AMMECR1: variants seen among roughly 807,000 people sequenced by gnomAD.
AMMECR1 encodes AMMECR nuclear protein 1.
A neutral mutation model predicts 22.5 loss-of-function variants in AMMECR1; 3 were observed. The observed-to-expected ratio is 0.13, with a 90% CI of 0.06 to 0.35. The LOEUF is 0.35. AMMECR1 is among the 10% of genes least tolerant of loss of function. The probability of loss-of-function intolerance (pLI) is 1.00; values close to 1 mark genes in which losing one functional copy is unlikely to be tolerated. For missense variants in AMMECR1, 235 were observed against 278.7 expected (o/e 0.84, Z 1.12); for synonymous variants, 130 against 116.7 (o/e 1.11, Z -0.74).
At chrX:110,235,584 C>G (rs2067596059) in intron 2 of AMMECR1, among the ~76,000 whole-genome samples, 1 of 112,326 alleles carries the variant, frequency 8.9e-6, no homozygotes, top group Non-Finnish European at 1.9e-5. Flanking sequence ...CACTGATAGA[C>G]TGGATTAAGA....
Position 110,357,825 on chromosome X carries a change from T to C in AMMECR1, c.-147-39976A>G, listed in dbSNP as rs1012297980. Among the ~76,000 whole-genome samples, 8 of 111,765 alleles carry C rather than the reference T, an allele frequency of 7.2e-5. No homozygotes were observed. In the Admixed American group the frequency reaches 7.6e-4, roughly 11 times the overall value. Reference sequence around the variant, plus strand: ...TGTGTGGGAAGCAGAGTGGTTATACTTGCCCTTCTTGGATTTTTTCTCAAG... The same window carrying C: ...TGTGTGGGAAGCAGAGTGGTTATACCTGCCCTTCTTGGATTTTTTCTCAAG... On this transcript the variant is annotated intron_variant, in intron 2 of 7. Transcript: ENST00000372057.
rs199514073 is a variant in AMMECR1 at position 110,317,779 on chromosome X, G to T, written c.293C>A (p.Ser98Tyr). 8.5e-7 allele frequency: 1 copy of T among 1,174,934 alleles called. No homozygotes were observed. The highest frequency in any genetic ancestry group is 2.4e-4 in the Middle Eastern group (1 of 4,171). ...PPSCGVGTLLSTPAAATSSSP... is the reference protein window; with the variant it reads ...PPSCGVGTLLYTPAAATSSSP... ...GGAAGAGGTGGCGGCGGCCGGGGTAGAAAGTAGGGTCCCCACTCCGCAGCT... is the reference window on the plus strand; with the variant it reads ...GGAAGAGGTGGCGGCGGCCGGGGTATAAAGTAGGGTCCCCACTCCGCAGCT... Residue 98 changes from serine (S) to tyrosine (Y), a missense_variant, in exon 1 of 6, where the codon TCT (serine) becomes TAT (tyrosine). Physicochemically the swap from Ser to Tyr is moderately radical, Grantham distance 144. Transcript: ENST00000262844.
chrX:110,216,765 C>CA (rs1410772097), intron 2 of AMMECR1, 133 bp from the exon 3 acceptor site: 2 of 389,590 alleles, frequency 5.1e-6, no homozygotes, highest in African/African-American at 5.2e-5. Flanking sequence ...CAACAAGCTT[C>CA]AAATGTATTC....
intron 5 of AMMECR1, among the ~76,000 whole-genome samples, chrX:110,199,749 C>T (rs2067387571): frequency 9.0e-6 from 1 of 111,266 alleles, no homozygotes; most frequent in Non-Finnish European, 1.9e-5. Flanking sequence ...GCCCCTGTTG[C>T]ACCTCTTTTG....
intron 2 of AMMECR1, among the ~76,000 whole-genome samples, chrX:110,424,538 C>A (rs1442855864): frequency 1.8e-5 from 2 of 111,646 alleles, no homozygotes; most frequent in African/African-American, 6.5e-5. Context: ...TAATTGACTT[C>A]AAGCTTAACA....
chrX:110,369,059 G>A (rs1031123889), intron 2 of AMMECR1, among the ~76,000 whole-genome samples: 11 of 112,206 alleles, frequency 9.8e-5, no homozygotes, highest in African/African-American at 3.6e-4. Context: ...GTGGCTGTGT[G>A]CGGTGGCTCA....
At chrX:110,362,883 A>G (rs1310906297) in intron 2 of AMMECR1, among the ~76,000 whole-genome samples, 3 of 111,995 alleles carry the variant, frequency 2.7e-5, no homozygotes, top group Non-Finnish European at 5.6e-5. Context: ...ATATTAATTC[A>G]TTTAATTCTT....
chrX:110,213,507 TTGA>T (rs2067457644), intron 3 of AMMECR1, among the ~76,000 whole-genome samples: 1 of 112,756 alleles, frequency 8.9e-6, no homozygotes, highest in South Asian at 3.6e-4. Context: ...CATTCATCTG[TTGA>T]TAAACATTTG....
chrX:110,381,714 G>A (rs1264786824), intron 2 of AMMECR1, among the ~76,000 whole-genome samples: 3 of 110,847 alleles, frequency 2.7e-5, no homozygotes, highest in South Asian at 3.8e-4. Flanking sequence ...AAATGTACAC[G>A]TACACCATGG....
intron 2 of AMMECR1, among the ~76,000 whole-genome samples, chrX:110,418,471 A>C (rs1314522644): frequency 8.9e-6 from 1 of 112,164 alleles, no homozygotes; most frequent in Non-Finnish European, 1.9e-5. Flanking sequence ...GAAAAGCAGC[A>C]GCTAGCATAG....
At chrX:110,325,368 A>G (rs1375443479) in intron 2 of AMMECR1, among the ~76,000 whole-genome samples, 1 of 111,894 alleles carries the variant, frequency 8.9e-6, no homozygotes, top group Admixed American at 9.5e-5. Flanking sequence ...TTGTGCTATC[A>G]AATACCAGAT....
At chrX:110,318,103 G>A (rs748349750), upstream of AMMECR1, 1 of 1,112,988 alleles carries the variant, frequency 9.0e-7, no homozygotes. Flanking sequence ...CAGCGTTTCC[G>A]ACCCATAAGT....
intron 2 of AMMECR1, among the ~76,000 whole-genome samples, chrX:110,235,949 C>T (rs2067598642): frequency 9.2e-6 from 1 of 108,308 alleles, no homozygotes; most frequent in Non-Finnish European, 1.9e-5. Context: ...TACCCTAGAA[C>T]TTAAAGTATA....
intron 2 of AMMECR1, among the ~76,000 whole-genome samples, chrX:110,405,882 T>C (rs777455844): frequency 3.6e-5 from 4 of 111,461 alleles, no homozygotes; most frequent in Non-Finnish European, 7.5e-5. Context: ...AGTCAAACAG[T>C]CTCTTTAATA....
chrX:110,203,834 C>G (rs1016426250), intron 3 of AMMECR1, among the ~76,000 whole-genome samples: 1 of 111,820 alleles, frequency 8.9e-6, no homozygotes, highest in African/African-American at 3.2e-5. Flanking sequence ...CATCTTTCCC[C>G]AGGTCTTCAC....
In AMMECR1 at chrX:110,326,381, A is replaced by C. The variant is rs374126747; in HGVS notation, c.-147-8532T>G. 6.2e-5 allele frequency among the ~76,000 whole-genome samples: 7 copies of C among 112,392 alleles called. No homozygotes were observed. In the East Asian group the frequency reaches 1.7e-3, roughly 27 times the overall value. On this transcript the variant is annotated intron_variant, in intron 2 of 7. Transcript: ENST00000372057. The stretch of plus-strand genomic sequence containing the variant: ...TGACTTTTTGGCCTATTAGTTATTT[A>C]GGAGTGTGTTATTCAATTTCCACAT...
At chrX:110,265,910 A>G (rs1337100870) in intron 1 of AMMECR1, among the ~76,000 whole-genome samples, 1 of 111,399 alleles carries the variant, frequency 9.0e-6, no homozygotes, top group African/African-American at 3.3e-5. Context: ...GACAGCCACA[A>G]TGGCAGATAG....
chrX:110,234,367 T>C (rs970860826), intron 2 of AMMECR1, among the ~76,000 whole-genome samples: 30 of 112,292 alleles, frequency 2.7e-4, no homozygotes, highest in Non-Finnish European at 5.1e-4. Context: ...TGCTCATGGA[T>C]AGAAAGAATC....
intron 2 of AMMECR1, among the ~76,000 whole-genome samples, chrX:110,260,761 C>A (rs2067736699): frequency 9.0e-6 from 1 of 111,469 alleles, no homozygotes; most frequent in Non-Finnish European, 1.9e-5. Context: ...GCATTATTCA[C>A]AACAGCCAAA....
Sources: gnomAD v4.1 joint callset for allele counts (sites outside exome capture counted in the v4.1 genomes callset) on GRCh38, gnomAD v4.1.1 for gene constraint, MANE v1.5 for transcripts, NCBI Gene and HGNC (gene_info 2026-07-23, HGNC 2026-07-21) for gene names.